The following PHLDB2 variants were observed in gnomAD, a reference collection of about 807,000 sequenced individuals.
PHLDB2 encodes pleckstrin homology like domain family B member 2.
A neutral mutation model predicts 123.6 loss-of-function variants in PHLDB2; 71 were observed. The observed-to-expected ratio is 0.57, with a 90% confidence interval of 0.47 to 0.70. PHLDB2 has a LOEUF of 0.70. Ranked by LOEUF, PHLDB2 falls within the 30% of genes least tolerant of loss-of-function variation. The pLI is 0.00. For synonymous variants in PHLDB2, 547 were observed against 541.6 expected (o/e 1.01, Z -0.14); for missense variants, 1,446 against 1,519.5 (o/e 0.95, Z 0.80).
rs551042689 is a variant in PHLDB2 at position 111,959,329 on chromosome 3, C to T, written c.2873-2779C>T. Among the ~76,000 whole-genome samples, 4 of 152,314 alleles carry T rather than the reference C, an allele frequency of 2.6e-5. No individual in the cohort carries two copies. In the East Asian group the frequency reaches 7.7e-4, roughly 29 times the overall value. ...GCAGGGAGGAAGCTAGGCCAGGTGACAGTGGGGTTCACTGAGGTCAGTAAA... is the reference window on the plus strand; with the variant it reads ...GCAGGGAGGAAGCTAGGCCAGGTGATAGTGGGGTTCACTGAGGTCAGTAAA... On this transcript the variant is annotated intron_variant, in intron 12 of 17. Coordinates refer to ENST00000431670, the MANE Select transcript of PHLDB2 (RefSeq NM_001134438.2).
chr3:111,885,249 A>G lies in PHLDB2; in HGVS notation c.1172A>G (p.Asp391Gly). ...TTCTCTTGTGGATCTGTGGAATTTG[A>G]TGAGGCAGATTTGGAAAGCCTCAGA... ...RNFSCGSVEFDEADLESLRQA... is the reference protein window; with the variant it reads ...RNFSCGSVEFGEADLESLRQA... Residue 391 changes from aspartate (D) to glycine (G), a missense_variant, in exon 2 of 18, where the codon GAT (aspartate) becomes GGT (glycine). Asp to Gly is a moderately conservative substitution (Grantham distance 94). This residue lies in a region of PHLDB2 where 832 missense variants were observed against 831.9 expected (regional missense o/e 1.00). Coordinates refer to ENST00000431670, the MANE Select transcript of PHLDB2 (RefSeq NM_001134438.2). The G allele has an allele frequency of 6.2e-7, 1 of 1,614,134 alleles. No individual in the cohort carries two copies.
chr3:111,794,264 C>T lies in PHLDB2; in HGVS notation c.-48-51557C>T, dbSNP rs2061052519. Among the ~76,000 whole-genome samples the T allele has an allele frequency of 2.6e-5, 4 of 152,126 alleles. No homozygotes were observed. The South Asian group carries it at 8.3e-4, about 32-fold the overall frequency. ...ATTTCTGCCCTGCTTTACTTTCCAC[C>T]GTGAAAGGCAGCACTGAGTTCCAAT... is the stretch of plus-strand genomic sequence containing the variant. On this transcript the variant is annotated intron_variant, in intron 1 of 17. Coordinates refer to the PHLDB2 transcript ENST00000393923.
At chr3:111,951,340 A>G (rs2070705169) in intron 10 of PHLDB2, among the ~76,000 whole-genome samples, 4 of 152,340 alleles carry the variant, frequency 2.6e-5, no homozygotes, top group Non-Finnish European at 5.9e-5. Context: ...CAGGATTATT[A>G]TAATAATTTA....
intron 1 of PHLDB2, among the ~76,000 whole-genome samples, chr3:111,794,699 A>ACC (rs2061078792): frequency 2.0e-5 from 3 of 152,236 alleles, no homozygotes; most frequent in African/African-American, 7.2e-5. Context: ...ATAAGGCTAA[A>ACC]GTGATTGGAT....
chr3:111,763,600 G>A (rs2060030781), intron 1 of PHLDB2, among the ~76,000 whole-genome samples: 1 of 152,096 alleles, frequency 6.6e-6, no homozygotes, highest in Admixed American at 6.5e-5. Context: ...CTACTGCAAG[G>A]AAAAGAGCAG....
At chr3:111,818,833 A>G (rs58217009) in intron 1 of PHLDB2, among the ~76,000 whole-genome samples, 1 of 151,820 alleles carries the variant, frequency 6.6e-6, no homozygotes, top group South Asian at 2.1e-4. Context: ...ACTATACTAG[A>G]TGCCTCCTCT....
rs763780888 is a variant in PHLDB2, at chr3:111,884,560, C to G, written c.483C>G (p.Val161=). 2.5e-6 allele frequency: 4 copies of G among 1,614,002 alleles called. No individual in the cohort carries two copies. Among genetic ancestry groups the G allele is most frequent in the African/African-American group, 1.3e-5 (1 of 74,916 alleles). The change falls in exon 2 of 18, where the codon GTC becomes GTG. Residue 161 remains valine, a synonymous_variant. Transcript: ENST00000431670. The part of the protein sequence containing the change: ...YSSRHKSHDN[V]YSLGGLEGRK... The stretch of plus-strand genomic sequence containing the variant: ...CAAGGCATAAATCGCATGACAATGT[C>G]TACTCTCTTGGAGGGCTGGAAGGTC...
chr3:111,780,405 AGAAGAAAAAGAT>A, intron 1 of PHLDB2, among the ~76,000 whole-genome samples: 1 of 146,468 alleles, frequency 6.8e-6, no homozygotes, highest in South Asian at 2.2e-4. Context: ...AAGAAGAAGA[AGAAGAAAAAGAT>A]TAGTTCGGCC....
rs1350129894 is a variant in PHLDB2, at chr3:111,969,886, A to G, written c.3512A>G (p.Lys1171Arg). The change falls in exon 16 of 18, where the codon AAG (lysine) becomes AGG (arginine). Residue 1171 changes from lysine to arginine, a missense_variant. Lys to Arg is a conservative substitution (Grantham distance 26, BLOSUM62 2). This residue lies in a region of PHLDB2 where 594 missense variants were observed against 646.0 expected (regional missense o/e 0.92). Transcript: ENST00000431670. ...KKRWFVFDRNKRTFSYYADKH... is the reference protein window; with the variant it reads ...KKRWFVFDRNRRTFSYYADKH... Reference sequence around the variant, plus strand: ...CGTTGGTTTGTTTTTGATCGGAACAAGCGAACATTCTCTTATTATGCAGGT... The same window carrying G: ...CGTTGGTTTGTTTTTGATCGGAACAGGCGAACATTCTCTTATTATGCAGGT... 3.1e-6 allele frequency: 5 copies of G among 1,613,890 alleles called. No homozygotes were observed. The highest frequency in any genetic ancestry group is 4.2e-6 in the Non-Finnish European group (5 of 1,179,872).
chr3:111,818,497 CT>C (rs2108383080), intron 1 of PHLDB2, among the ~76,000 whole-genome samples: 1 of 152,196 alleles, frequency 6.6e-6, no homozygotes, highest in South Asian at 2.1e-4. Flanking sequence ...TAGGAACTGA[CT>C]TTTTTCCCAG....
intron 1 of PHLDB2, among the ~76,000 whole-genome samples, chr3:111,771,046 T>A (rs1400026866): frequency 1.3e-5 from 2 of 152,186 alleles, no homozygotes; most frequent in Non-Finnish European, 2.9e-5. Flanking sequence ...GCCCCTTTCT[T>A]TAATGTTAGT....
chr3:111,837,771 G>A (rs1325452405), intron 1 of PHLDB2, among the ~76,000 whole-genome samples: 3 of 152,142 alleles, frequency 2.0e-5, no homozygotes, highest in Non-Finnish European at 4.4e-5. Context: ...GGCCGGGCAC[G>A]GTGGTTCACA....
intron 2 of PHLDB2, among the ~76,000 whole-genome samples, chr3:111,848,898 T>C (rs530280500): frequency 6.6e-5 from 10 of 152,374 alleles, no homozygotes; most frequent in Admixed American, 4.6e-4. Flanking sequence ...GCTATGCCAT[T>C]CTTATGGTTA....
chr3:111,939,241 C>G (rs2069710396), intron 6 of PHLDB2, among the ~76,000 whole-genome samples: 1 of 151,972 alleles, frequency 6.6e-6, no homozygotes, highest in Admixed American at 6.6e-5. Context: ...CGCAAGAATT[C>G]TTACCTCCAC....
chr3:111,809,425 A>G (rs2061733903), intron 1 of PHLDB2, among the ~76,000 whole-genome samples: 1 of 152,212 alleles, frequency 6.6e-6, no homozygotes, highest in Non-Finnish European at 1.5e-5. Flanking sequence ...GTTCTATGGC[A>G]TGTCAGTAAT....
chr3:111,867,194 A>C (rs527335930), intron 1 of PHLDB2, among the ~76,000 whole-genome samples: 1 of 152,200 alleles, frequency 6.6e-6, no homozygotes, highest in South Asian at 2.1e-4. Context: ...AGCTTTTAGG[A>C]ACTTAATTCA....
chr3:111,742,228 C>T (rs955431071), intron 1 of PHLDB2, among the ~76,000 whole-genome samples: 2 of 152,146 alleles, frequency 1.3e-5, no homozygotes, highest in Admixed American at 1.3e-4. Flanking sequence ...GCATTTATAT[C>T]AAAAGCTATT....
At chr3:111,781,244 A>G (rs2060464835) in intron 1 of PHLDB2, among the ~76,000 whole-genome samples, 1 of 152,022 alleles carries the variant, frequency 6.6e-6, no homozygotes, top group Non-Finnish European at 1.5e-5. Flanking sequence ...CATAGTGACT[A>G]TTTCTTTAAA....
Position 111,884,917 on chromosome 3 carries a change from T to G in PHLDB2, c.840T>G (p.Asn280Lys), listed in dbSNP as rs1357382402. The change falls in exon 2 of 18, where the codon AAT (asparagine) becomes AAG (lysine). Residue 280 changes from asparagine (N) to lysine (K), a missense_variant. Transcript: ENST00000431670. Reference protein sequence around the residue: ...LSLPPRNSLGNSKRTKLGEKD... With the variant: ...LSLPPRNSLGKSKRTKLGEKD... ...TGCCTCCAAGAAACTCTCTGGGCAA[T>G]TCCAAACGAACAAAACTTGGGGAAA... 1 of 1,613,956 alleles carries G rather than the reference T, an allele frequency of 6.2e-7. No individual in the cohort carries two copies. Among genetic ancestry groups the G allele is most frequent in the Non-Finnish European group, 8.5e-7 (1 of 1,179,992 alleles).
Sources: allele counts gnomAD v4.1 joint callset (sites outside exome capture counted in the v4.1 genomes callset), GRCh38; gene constraint gnomAD v4.1.1; regional missense constraint gnomAD v4.1.1; transcripts MANE v1.5; gene names NCBI Gene and HGNC (gene_info 2026-07-23, HGNC 2026-07-21).